Variants in GAPVD1 observed in about 807,000 individuals in gnomAD.
The protein encoded by GAPVD1 is GTPase-activating protein and VPS9 domain-containing protein 1.
In GAPVD1, 35 loss-of-function variants were observed where a neutral mutation model predicts 155.5. That is an observed-to-expected ratio of 0.23 (90% CI 0.17 to 0.30). The LOEUF (loss-of-function observed/expected upper bound fraction) is 0.30, where lower values mean the gene tolerates loss of function less well. Among genes scored for constraint, GAPVD1 ranks in the 10% least tolerant of loss-of-function variants. GAPVD1 has a pLI of 1.00. For synonymous variants in GAPVD1, 636 were observed against 619.7 expected, an observed-to-expected ratio of 1.03 and a Z score of -0.39; for missense variants, 1,429 against 1,775.7, an observed-to-expected ratio of 0.80 and a Z score of 3.51.
At chr9:125,280,844 G>A (rs867285631) in intron 2 of GAPVD1, among the ~76,000 whole-genome samples, 1 of 151,926 alleles carries the variant, frequency 6.6e-6, no homozygotes, top group Non-Finnish European at 1.5e-5. Flanking sequence ...CAAAGTGCTG[G>A]GATTACAGGC....
At chr9:125,327,897 C>T (rs1274308214) in intron 12 of GAPVD1, among the ~76,000 whole-genome samples, 1 of 152,158 alleles carries the variant, frequency 6.6e-6, no homozygotes, top group African/African-American at 2.4e-5. Context: ...ACCCACATGG[C>T]CAGCTTTCTT....
Position 125,350,775 on chromosome 9 carries a change from A to G in GAPVD1, c.3472A>G (p.Asn1158Asp). ...IAEAINLQDK[N>D]LMAQLQETMR... Reference sequence around the variant, plus strand: ...TGAAGCAATTAATTTACAAGATAAGAATCTAATGGCTCAACTTCAAGAAAC... The same window carrying G: ...TGAAGCAATTAATTTACAAGATAAGGATCTAATGGCTCAACTTCAAGAAAC... Residue 1158 changes from asparagine (N) to aspartate (D), a missense_variant, in exon 23 of 28, where the codon AAT (asparagine) becomes GAT (aspartate). Physicochemically the swap from Asn to Asp is conservative, Grantham distance 23. Transcript: ENST00000297933. The G allele has an allele frequency of 6.3e-7, 1 of 1,596,384 alleles. No homozygotes were observed. Among genetic ancestry groups the G allele is most frequent in the Non-Finnish European group, 8.6e-7 (1 of 1,163,888 alleles).
intron 13 of GAPVD1, 107 bp downstream of exon 13, chr9:125,330,325 T>C: frequency 1.4e-6 from 1 of 733,714 alleles, no homozygotes; most frequent in Non-Finnish European, 2.1e-6. Context: ...CACTTTTTTT[T>C]TTTTTTTAAT....
intron 2 of GAPVD1, among the ~76,000 whole-genome samples, chr9:125,284,453 C>T (rs1837310112): frequency 6.6e-6 from 1 of 151,738 alleles, no homozygotes; most frequent in Admixed American, 6.6e-5. Context: ...GCTGGGATTA[C>T]AGGCGTGAGC....
intron 9 of GAPVD1, among the ~76,000 whole-genome samples, chr9:125,319,460 A>C (rs1309180369): frequency 1.3e-5 from 2 of 150,256 alleles, no homozygotes; most frequent in African/African-American, 4.9e-5. Flanking sequence ...GCTGGAGTGC[A>C]GTGGTGCAAT....
Position 125,321,526 on chromosome 9 carries a change from T to C in GAPVD1, c.1696T>C (p.Ser566Pro). The C allele has an allele frequency of 1.2e-6, 2 of 1,613,768 alleles. No homozygotes were observed. The highest frequency in any genetic ancestry group is 1.7e-6 in the Non-Finnish European group (2 of 1,179,736). Residue 566 changes from serine to proline, a missense_variant, in exon 10 of 28, where the codon TCC becomes CCC. This residue lies in a region of GAPVD1 where 628 missense variants were observed against 733.4 expected (regional missense o/e 0.86). Transcript: ENST00000297933. The stretch of plus-strand genomic sequence containing the variant: ...TAAACCTGATAAAACCTTGCGCTTT[T>C]CCCTCTGCAGTGATAATCTGGAAGG... ...HGKPDKTLRF[S>P]LCSDNLEGIS...
At chr9:125,314,423 A>G (rs999584220) in intron 9 of GAPVD1, among the ~76,000 whole-genome samples, 8 of 152,184 alleles carry the variant, frequency 5.3e-5, no homozygotes, top group Non-Finnish European at 8.8e-5. Context: ...TGGGAGGCCG[A>G]GGTGGGTGGA....
intron 15 of GAPVD1, 51 bp from the exon 16 acceptor site, chr9:125,336,967 A>T: frequency 9.9e-7 from 1 of 1,013,402 alleles, no homozygotes; most frequent in Non-Finnish European, 1.6e-6. Flanking sequence ...CTGTGTTGAG[A>T]CCGTCTGTCC....
intron 9 of GAPVD1, 150 bp from the exon 10 acceptor site, chr9:125,321,283 G>A: frequency 1.8e-6 from 1 of 562,142 alleles, no homozygotes; most frequent in South Asian, 2.1e-5. Flanking sequence ...TATTCCACAG[G>A]TATTTAAAAG....
At chr9:125,347,659 G>A (rs1357674460) in intron 20 of GAPVD1, among the ~76,000 whole-genome samples, 1 of 151,912 alleles carries the variant, frequency 6.6e-6, no homozygotes, top group Non-Finnish European at 1.5e-5. Flanking sequence ...GGCGGAGGTT[G>A]CAGTGAGCTG....
At chr9:125,293,866 A>AAAATATATTT (rs1554757134) in intron 2 of GAPVD1, among the ~76,000 whole-genome samples, 360 of 17,538 alleles carry the variant, frequency 0.021, 19 homozygotes, top group African/African-American at 0.14. Context: ...ATATATATAT[A>AAAATATATTT]TATATATATA....
At chr9:125,263,415 C>T (rs561016371) in intron 1 of GAPVD1, 2 of 479,956 alleles carry the variant, frequency 4.2e-6, no homozygotes, top group Non-Finnish European at 3.8e-6. Context: ...CGCCACTGCA[C>T]TCCAGCCTGG....
intron 14 of GAPVD1, among the ~76,000 whole-genome samples, chr9:125,332,281 T>C (rs1284583338): frequency 1.3e-5 from 2 of 152,232 alleles, no homozygotes; most frequent in African/African-American, 4.8e-5. Flanking sequence ...CAACTGTTTC[T>C]GTTCTTAGTA....
chr9:125,338,121 G>A (rs538796734), intron 17 of GAPVD1, among the ~76,000 whole-genome samples: 2 of 152,306 alleles, frequency 1.3e-5, no homozygotes, highest in Admixed American at 6.5e-5. Context: ...TGATCCGCCT[G>A]CCTTGGCCTC....
At chr9:125,322,071 A>G (rs1309867047) in intron 10 of GAPVD1, among the ~76,000 whole-genome samples, 1 of 147,178 alleles carries the variant, frequency 6.8e-6, no homozygotes, top group Non-Finnish European at 1.5e-5. Flanking sequence ...ACTAGTACCA[A>G]TTTTTTTTTT....
intron 27 of GAPVD1, among the ~76,000 whole-genome samples, chr9:125,361,021 C>G (rs1850829536): frequency 6.6e-6 from 1 of 152,026 alleles, no homozygotes; most frequent in African/African-American, 2.4e-5. Context: ...GTCACCATGC[C>G]CAGCGAATTT....
At chr9:125,350,567 T>TA in intron 22 of GAPVD1, 146 bp from the exon 23 acceptor site, 1 of 678,620 alleles carries the variant, frequency 1.5e-6, no homozygotes. Context: ...GATGATTTAT[T>TA]AAAGTATTTT....
chr9:125,332,620 A>G lies in GAPVD1; in HGVS notation c.2419A>G (p.Ile807Val). Reference protein sequence around the residue: ...DSVTSPDMDEITHGAHQLTSP... With the variant: ...DSVTSPDMDEVTHGAHQLTSP... ...TGTCACTAGTCCAGACATGGATGAA[A>G]TAACTCACGGTAAGAGGGGGAAATG... The change falls in exon 15 of 28, where the codon ATA becomes GTA. Residue 807 changes from isoleucine to valine, a missense_variant. Coordinates refer to ENST00000297933, the MANE Select transcript of GAPVD1 (RefSeq NM_001282680.3). The G allele has an allele frequency of 6.2e-7, 1 of 1,608,336 alleles. No individual in the cohort carries two copies. The highest frequency in any genetic ancestry group is 8.5e-7 in the Non-Finnish European group (1 of 1,178,106).
intron 1 of GAPVD1, among the ~76,000 whole-genome samples, chr9:125,268,395 A>G (rs1229468768): frequency 6.6e-6 from 1 of 151,918 alleles, no homozygotes. Flanking sequence ...GACAATATGT[A>G]CTGATCTTTT....
Sources: allele counts gnomAD v4.1 joint callset (sites outside exome capture counted in the v4.1 genomes callset), GRCh38; gene constraint gnomAD v4.1.1; regional missense constraint gnomAD v4.1.1; transcripts MANE v1.5; gene names NCBI Gene and HGNC (gene_info 2026-07-23, HGNC 2026-07-21).